EBF2: variants seen among roughly 807,000 people sequenced by gnomAD.
The protein encoded by EBF2 is transcription factor COE2.
In EBF2, 21 loss-of-function variants were observed where a neutral mutation model predicts 72.8. The ratio of observed to expected loss-of-function variants is 0.29; its 90% CI spans 0.20 to 0.42. The LOEUF (loss-of-function observed/expected upper bound fraction) is 0.42, where lower values mean the gene tolerates loss of function less well. Among genes scored for constraint, EBF2 ranks in the 10% least tolerant of loss-of-function variants. EBF2 has a pLI of 1.00. For missense variants in EBF2, 637 were observed against 731.2 expected (o/e 0.87, Z 1.49); for synonymous variants, 299 against 274.2 (o/e 1.09, Z -0.89).
In EBF2 at chr8:25,960,622, G is replaced by A. The variant is rs547519874; in HGVS notation, c.552-52067C>T. The stretch of plus-strand genomic sequence containing the variant: ...CTTTGCTGGGGGCACATGTAGATGC[G>A]TCTCACACTAGATGAATTAATGAAA... On this transcript the variant is annotated intron_variant, in intron 6 of 15. Coordinates refer to ENST00000520164, the MANE Select transcript of EBF2 (RefSeq NM_022659.4). Among the ~76,000 whole-genome samples the A allele has an allele frequency of 7.9e-5, 12 of 152,116 alleles. No homozygotes were observed. The South Asian group carries it at 1.5e-3, about 18-fold the overall frequency.
intron 6 of EBF2, among the ~76,000 whole-genome samples, chr8:26,003,345 AT>A (rs1360106659): frequency 6.6e-6 from 1 of 152,014 alleles, no homozygotes; most frequent in Non-Finnish European, 1.5e-5. Flanking sequence ...CTACTAGATT[AT>A]TTTCTGTGAG....
In EBF2 at chr8:25,887,842, C is replaced by T. The variant is rs1235659163; in HGVS notation, c.882G>A (p.Glu294=). The change falls in exon 9 of 16, where the codon GAG becomes GAA. Residue 294 remains glutamate, a splice_region_variant and synonymous_variant. Coordinates refer to ENST00000520164, the MANE Select transcript of EBF2 (RefSeq NM_022659.4). The stretch of plus-strand genomic sequence containing the variant: ...GAGTAAGCCTGTTGCCTCTGCTTAC[C>T]TCGCTCCATACAAGCATAGTCCCAA... The part of the protein sequence containing the change: ...VVFGTMLVWS[E]LITPHAIRVQ... 2 of 1,599,578 alleles carry T rather than the reference C, an allele frequency of 1.3e-6. No homozygotes were observed. The highest frequency in any genetic ancestry group is 2.7e-5 in the African/African-American group (2 of 74,484).
At chr8:26,030,179 G>A (rs897547021) in intron 6 of EBF2, among the ~76,000 whole-genome samples, 7 of 152,168 alleles carry the variant, frequency 4.6e-5, no homozygotes, top group South Asian at 2.1e-4. Context: ...AGGTAAACCC[G>A]AAAGACATTC....
intron 6 of EBF2, among the ~76,000 whole-genome samples, chr8:26,020,311 T>A (rs1805184394): frequency 6.6e-6 from 1 of 152,120 alleles, no homozygotes; most frequent in African/African-American, 2.4e-5. Context: ...AGTGTTTGGG[T>A]TTGGAGGTCT....
chr8:25,910,415 G>A (rs1479596841), intron 6 of EBF2, among the ~76,000 whole-genome samples: 2 of 152,078 alleles, frequency 1.3e-5, no homozygotes, highest in Non-Finnish European at 2.9e-5. Context: ...CCCAAATGGA[G>A]GGCTTTTTCT....
intron 10 of EBF2, among the ~76,000 whole-genome samples, chr8:25,885,567 C>A (rs1802675794): frequency 6.6e-6 from 1 of 152,166 alleles, no homozygotes; most frequent in African/African-American, 2.4e-5. Context: ...TGAATTGTAG[C>A]TCCCATAATT....
At chr8:25,982,890 A>G (rs1434661710) in intron 6 of EBF2, among the ~76,000 whole-genome samples, 1 of 151,810 alleles carries the variant, frequency 6.6e-6, no homozygotes, top group East Asian at 1.9e-4. Context: ...ACAAATGTGT[A>G]ATTACATATC....
chr8:25,958,406 T>C (rs1267128936), intron 6 of EBF2, among the ~76,000 whole-genome samples: 1 of 152,216 alleles, frequency 6.6e-6, no homozygotes, highest in Non-Finnish European at 1.5e-5. Context: ...CCGGCATTTT[T>C]TTTTTTCTTC....
chr8:25,851,538 G>GT (rs549972423), intron 14 of EBF2, among the ~76,000 whole-genome samples: 16 of 152,230 alleles, frequency 1.1e-4, no homozygotes, highest in African/African-American at 3.9e-4. Flanking sequence ...ACTCCACCAA[G>GT]TTATATCATG....
intron 9 of EBF2, 116 bp downstream of exon 9, chr8:25,887,726 T>C: frequency 2.4e-6 from 3 of 1,234,050 alleles, no homozygotes; most frequent in Non-Finnish European, 2.1e-6. Flanking sequence ...AAGAAACCCA[T>C]GCCTGATTTA....
chr8:25,888,621 T>C (rs1360911698), intron 8 of EBF2, among the ~76,000 whole-genome samples: 1 of 152,198 alleles, frequency 6.6e-6, no homozygotes, highest in Non-Finnish European at 1.5e-5. Context: ...TGAAGGCTTT[T>C]TTCAGCTCTA....
chr8:26,005,561 T>TATATATATATAGAGAGAG (rs375386709), intron 6 of EBF2, among the ~76,000 whole-genome samples: 56 of 63,884 alleles, frequency 8.8e-4, no homozygotes, highest in African/African-American at 3.2e-3. Flanking sequence ...TATATATATA[T>TATATATATATAGAGAGAG]AGAGAGAGAG....
intron 7 of EBF2, among the ~76,000 whole-genome samples, chr8:25,891,615 T>G (rs1271437161): frequency 6.6e-6 from 1 of 151,646 alleles, no homozygotes; most frequent in Non-Finnish European, 1.5e-5. Context: ...TCTCACTTTG[T>G]TGCATAGGCT....
chr8:25,848,318 T>C (rs1040397665), intron 15 of EBF2, among the ~76,000 whole-genome samples: 2 of 152,200 alleles, frequency 1.3e-5, no homozygotes, highest in Non-Finnish European at 2.9e-5. Context: ...CCTATAAACC[T>C]ATCAGGAATG....
chr8:25,899,855 ACCACCCT>A (rs56170618), intron 7 of EBF2, among the ~76,000 whole-genome samples: 37,901 of 151,836 alleles, frequency 0.25, 5,541 homozygotes, highest in Middle Eastern at 0.41. Context: ...ACATGATCCA[ACCACCCT>A]GTGGACGCCA....
In EBF2 at chr8:25,878,406, C is replaced by T. The variant is rs1049400053; in HGVS notation, c.1009+8349G>A. On this transcript the variant is annotated intron_variant, in intron 10 of 15. Coordinates refer to ENST00000520164, the MANE Select transcript of EBF2 (RefSeq NM_022659.4). The stretch of plus-strand genomic sequence containing the variant: ...TCCTCCTAGGGAAGAGGCCATGGCT[C>T]TCCAGGTGACCAGAGTGAGGACTCA... Among the ~76,000 whole-genome samples, 19 of 152,316 alleles carry T rather than the reference C, an allele frequency of 1.2e-4. No individual in the cohort carries two copies. In the East Asian group the frequency reaches 3.1e-3, roughly 25 times the overall value.
chr8:25,846,491 C>A (rs1283583543), intron 15 of EBF2, among the ~76,000 whole-genome samples: 1 of 152,038 alleles, frequency 6.6e-6, no homozygotes, highest in African/African-American at 2.4e-5. Context: ...AGTTCAAGAC[C>A]AGCCTGAGCA....
intron 6 of EBF2, among the ~76,000 whole-genome samples, chr8:25,993,222 C>A (rs1201393565): frequency 6.6e-6 from 1 of 152,190 alleles, no homozygotes; most frequent in Non-Finnish European, 1.5e-5. Flanking sequence ...GCACTGTCAA[C>A]CACCTTTGGA....
chr8:26,023,077 C>T (rs1805230493), intron 6 of EBF2, among the ~76,000 whole-genome samples: 1 of 152,120 alleles, frequency 6.6e-6, no homozygotes, highest in Non-Finnish European at 1.5e-5. Context: ...GTCTCATTTC[C>T]CAACCATTTG....
Sources: gnomAD v4.1 joint callset for allele counts (sites outside exome capture counted in the v4.1 genomes callset) on GRCh38, gnomAD v4.1.1 for gene constraint, MANE v1.5 for transcripts, NCBI Gene and HGNC (gene_info 2026-07-23, HGNC 2026-07-21) for gene names.